Variants in SGCZ observed in about 807,000 individuals in gnomAD.
The protein encoded by SGCZ is zeta-sarcoglycan.
SGCZ carries 40 observed loss-of-function variants against 41.3 expected under a neutral mutation model. The ratio of observed to expected loss-of-function variants is 0.97; its 90% CI spans 0.75 to 1.26. The LOEUF is 1.26. Among genes scored for constraint, SGCZ ranks in the 50% most tolerant of loss-of-function variants. The pLI, the probability that SGCZ is intolerant of heterozygous loss-of-function variation, is 0.00. For missense variants in SGCZ, 552 were observed against 369.8 expected (o/e 1.49, Z -4.04); for synonymous variants, 206 against 137.5 (o/e 1.50, Z -3.49).
At chr8:14,216,104 C>A (rs897236148) in intron 4 of SGCZ, among the ~76,000 whole-genome samples, 2 of 152,204 alleles carry the variant, frequency 1.3e-5, no homozygotes, top group Non-Finnish European at 2.9e-5. Flanking sequence ...ACATGATCGC[C>A]CTCCCCTGAG....
At chr8:14,367,361 C>T (rs1442028501) in intron 2 of SGCZ, among the ~76,000 whole-genome samples, 1 of 152,028 alleles carries the variant, frequency 6.6e-6, no homozygotes, top group Non-Finnish European at 1.5e-5. Context: ...TCTTCTGAGC[C>T]CTCCAAACTG....
chr8:14,936,590 G>T (rs1416056838), intron 1 of SGCZ, among the ~76,000 whole-genome samples: 5 of 151,612 alleles, frequency 3.3e-5, no homozygotes, highest in Non-Finnish European at 7.4e-5. Context: ...ATAAGTCAGG[G>T]ACCATTTATA....
At chr8:14,503,928 T>C (rs1214126617) in intron 2 of SGCZ, among the ~76,000 whole-genome samples, 1 of 152,182 alleles carries the variant, frequency 6.6e-6, no homozygotes, top group Admixed American at 6.5e-5. Flanking sequence ...AATTGTGCAG[T>C]TGAAAATGAA....
intron 1 of SGCZ, among the ~76,000 whole-genome samples, chr8:15,111,548 C>A (rs13265356): frequency 0.47 from 71,192 of 151,948 alleles, 19,217 homozygotes; most frequent in Admixed American, 0.63. Context: ...GTAAATGGGA[C>A]CTTGAGCCAC....
At chr8:15,085,358 G>A (rs1329889256) in intron 1 of SGCZ, among the ~76,000 whole-genome samples, 2 of 152,144 alleles carry the variant, frequency 1.3e-5, no homozygotes, top group Non-Finnish European at 2.9e-5. Flanking sequence ...CAGTAAAGGT[G>A]ATCATGTAGA....
At chr8:14,820,632 T>C (rs1802046774) in intron 1 of SGCZ, among the ~76,000 whole-genome samples, 2 of 152,048 alleles carry the variant, frequency 1.3e-5, no homozygotes, top group South Asian at 4.1e-4. Context: ...ATCTGAACTC[T>C]TGTAAGTATC....
intron 1 of SGCZ, among the ~76,000 whole-genome samples, chr8:14,807,124 T>C (rs1801562793): frequency 1.3e-5 from 2 of 151,652 alleles, no homozygotes; most frequent in South Asian, 4.2e-4. Context: ...GCCAATATCA[T>C]ACTGAATGGG....
At chr8:14,242,691 C>T (rs1475887006) in intron 3 of SGCZ, among the ~76,000 whole-genome samples, 1 of 152,072 alleles carries the variant, frequency 6.6e-6, no homozygotes, top group African/African-American at 2.4e-5. Flanking sequence ...ACTCTTGTTT[C>T]ACAAATAAGT....
intron 7 of SGCZ, among the ~76,000 whole-genome samples, chr8:14,099,437 T>C (rs1801943098): frequency 6.6e-6 from 1 of 152,110 alleles, no homozygotes; most frequent in South Asian, 2.1e-4. Context: ...AAACAAAAAA[T>C]TGTTTTTGGT....
At chr8:14,289,627 A>G (rs1359981904) in intron 3 of SGCZ, among the ~76,000 whole-genome samples, 1 of 152,060 alleles carries the variant, frequency 6.6e-6, no homozygotes, top group Non-Finnish European at 1.5e-5. Context: ...TGGTCATGAT[A>G]GCTTTGTATA....
chr8:14,120,527 C>G (rs1340360449), intron 5 of SGCZ, among the ~76,000 whole-genome samples: 3 of 152,004 alleles, frequency 2.0e-5, no homozygotes, highest in African/African-American at 7.2e-5. Flanking sequence ...TTTAATTCAA[C>G]TCTATACTAT....
intron 1 of SGCZ, among the ~76,000 whole-genome samples, chr8:14,936,001 T>G (rs1253482782): frequency 6.6e-6 from 1 of 151,940 alleles, no homozygotes; most frequent in Non-Finnish European, 1.5e-5. Flanking sequence ...TTCCATGCGA[T>G]TAAATGATCG....
chr8:15,118,428 A>C (rs1807351627), intron 1 of SGCZ, among the ~76,000 whole-genome samples: 1 of 152,166 alleles, frequency 6.6e-6, no homozygotes, highest in Admixed American at 6.5e-5. Context: ...CAGTGGGGAC[A>C]CTAGGATCCC....
At chr8:14,895,484 A>G (rs1805164450) in intron 1 of SGCZ, among the ~76,000 whole-genome samples, 1 of 152,176 alleles carries the variant, frequency 6.6e-6, no homozygotes, top group Admixed American at 6.6e-5. Flanking sequence ...GTGATAAGAA[A>G]TTCAAAGATG....
intron 1 of SGCZ, among the ~76,000 whole-genome samples, chr8:15,059,067 G>T (rs1326931839): frequency 2.0e-5 from 3 of 151,826 alleles, no homozygotes; most frequent in Non-Finnish European, 4.4e-5. Flanking sequence ...TGCTATGCTG[G>T]AAGTATTATC....
intron 1 of SGCZ, among the ~76,000 whole-genome samples, chr8:15,173,952 G>C (rs961076416): frequency 1.3e-5 from 2 of 152,010 alleles, no homozygotes; most frequent in Non-Finnish European, 2.9e-5. Flanking sequence ...AAACTCCTGG[G>C]CTCAAGCAAT....
chr8:15,216,223 C>CTTTTTTTTTTTT (rs34383864), intron 1 of SGCZ, among the ~76,000 whole-genome samples: 6 of 125,932 alleles, frequency 4.8e-5, no homozygotes, highest in African/African-American at 1.2e-4. Context: ...CTTTTTTTTT[C>CTTTTTTTTTTTT]TTTTTTTTTT....
intron 1 of SGCZ, among the ~76,000 whole-genome samples, chr8:14,908,480 A>G (rs1169690614): frequency 1.3e-5 from 2 of 152,192 alleles, no homozygotes; most frequent in Non-Finnish European, 2.9e-5. Flanking sequence ...GGCCAGGTGC[A>G]CTGGCTCACG....
intron 2 of SGCZ, among the ~76,000 whole-genome samples, chr8:14,519,081 A>C (rs1337580771): frequency 1.3e-5 from 2 of 151,598 alleles, no homozygotes; most frequent in Non-Finnish European, 2.9e-5. Context: ...AAAAAAAAAA[A>C]AAAAGACAGA....
Sources: gnomAD v4.1 joint callset for allele counts (sites outside exome capture counted in the v4.1 genomes callset) on GRCh38, gnomAD v4.1.1 for gene constraint, MANE v1.5 for transcripts, NCBI Gene and HGNC (gene_info 2026-07-23, HGNC 2026-07-21) for gene names.